The following TMEM132B variants were observed in gnomAD, a reference collection of about 807,000 sequenced individuals.
TMEM132B encodes the protein transmembrane protein 132B.
TMEM132B carries 18 observed loss-of-function variants against 90.8 expected under a neutral mutation model. The observed-to-expected ratio is 0.20, with a 90% CI of 0.14 to 0.29. TMEM132B has a LOEUF of 0.29. TMEM132B is among the 10% of genes least tolerant of loss of function. TMEM132B has a pLI of 1.00. For synonymous variants in TMEM132B, 504 were observed against 523.3 expected (o/e 0.96, Z 0.50); for missense variants, 1,096 against 1,326.8 (o/e 0.83, Z 2.70).
chr12:125,264,900 A>G (rs570880907), intron 1 of TMEM132B, among the ~76,000 whole-genome samples: 18 of 152,352 alleles, frequency 1.2e-4, no homozygotes, highest in African/African-American at 4.1e-4. Context: ...TCATTGAACT[A>G]TAATACATAG....
In TMEM132B at chr12:125,307,409, A is replaced by G. The variant is rs923109190; in HGVS notation, c.68-42043A>G. Among the ~76,000 whole-genome samples, 3 of 152,050 alleles carry G rather than the reference A, an allele frequency of 2.0e-5. No homozygotes were observed. The East Asian group carries it at 5.8e-4, about 29-fold the overall frequency. ...GTTGTGATTCTTTTTGATTTAAGTG[A>G]TTTTCTTAACCTCTCTGTACTTTGG... is the stretch of plus-strand genomic sequence containing the variant. On this transcript the variant is annotated intron_variant, in intron 1 of 8. Coordinates refer to ENST00000682704, the MANE Select transcript of TMEM132B (RefSeq NM_001366854.1).
chr12:125,628,667 C>A (rs1206171945), intron 5 of TMEM132B, among the ~76,000 whole-genome samples: 1 of 151,984 alleles, frequency 6.6e-6, no homozygotes, highest in African/African-American at 2.4e-5. Flanking sequence ...ATCCCATTTG[C>A]CCATTTTTGC....
At chr12:125,488,929 C>T (rs570300246) in intron 3 of TMEM132B, among the ~76,000 whole-genome samples, 15 of 152,118 alleles carry the variant, frequency 9.9e-5, no homozygotes, top group South Asian at 4.1e-4. Flanking sequence ...ACTCAACATT[C>T]GTAGATGAAA....
chr12:125,450,534 T>A lies in TMEM132B; in HGVS notation c.1106+34857T>A, dbSNP rs529458032. Among the ~76,000 whole-genome samples the A allele has an allele frequency of 2.0e-5, 3 of 152,280 alleles. No homozygotes were observed. The South Asian group carries it at 6.2e-4, about 32-fold the overall frequency. ...GGAGAGTGACTTTTTGGCTTTCTCT[T>A]GTGTACAGTAAGATACTGAGGCCCA... On this transcript the variant is annotated intron_variant, in intron 3 of 8. Coordinates refer to ENST00000682704, the MANE Select transcript of TMEM132B (RefSeq NM_001366854.1).
chr12:125,352,688 C>G (rs3891538), intron 2 of TMEM132B, among the ~76,000 whole-genome samples: 42,656 of 152,162 alleles, frequency 0.28, 6,199 homozygotes, highest in Admixed American at 0.37. Flanking sequence ...CATATAAATT[C>G]CAACATAAGT....
At position 125,621,848 on chromosome 12, in the gene TMEM132B, G is replaced by A. The variant is rs1026055277; in HGVS notation, c.1438-22228G>A. ...CTCTGGCATCATGCTATACATATCA[G>A]GATGACGTGATCATAAAATGACAGG... On this transcript the variant is annotated intron_variant, in intron 5 of 8. Transcript: ENST00000682704. 2.0e-5 allele frequency among the ~76,000 whole-genome samples: 3 copies of A among 152,180 alleles called. No homozygotes were observed. In the South Asian group the frequency reaches 6.2e-4, roughly 32 times the overall value.
chr12:125,401,023 A>G (rs935081780), intron 2 of TMEM132B, among the ~76,000 whole-genome samples: 2 of 152,162 alleles, frequency 1.3e-5, no homozygotes, highest in Non-Finnish European at 2.9e-5. Context: ...TCTCTGTGCC[A>G]TGACAAGTGG....
intron 3 of TMEM132B, among the ~76,000 whole-genome samples, chr12:125,476,689 C>A (rs755359829): frequency 6.6e-6 from 1 of 152,052 alleles, no homozygotes; most frequent in African/African-American, 2.4e-5. Flanking sequence ...CAAACCTAGG[C>A]GAAGAATTGC....
At chr12:125,599,833 A>G (rs1436702631) in intron 5 of TMEM132B, among the ~76,000 whole-genome samples, 1 of 151,936 alleles carries the variant, frequency 6.6e-6, no homozygotes, top group Non-Finnish European at 1.5e-5. Flanking sequence ...GAATGACTAT[A>G]CTCTATTTGG....
At chr12:125,264,224 C>T (rs888820675) in intron 1 of TMEM132B, among the ~76,000 whole-genome samples, 2 of 152,190 alleles carry the variant, frequency 1.3e-5, no homozygotes, top group African/African-American at 4.8e-5. Context: ...CTCTGCCTCT[C>T]CTGCCTCCCT....
intron 1 of TMEM132B, among the ~76,000 whole-genome samples, chr12:125,296,755 C>T (rs1436043946): frequency 1.3e-5 from 2 of 152,220 alleles, no homozygotes; most frequent in African/African-American, 2.4e-5. Context: ...GTCTTTCCAT[C>T]CCACTCCTTT....
At chr12:125,288,963 C>T (rs1271717380) in intron 1 of TMEM132B, among the ~76,000 whole-genome samples, 1 of 152,162 alleles carries the variant, frequency 6.6e-6, no homozygotes, top group Admixed American at 6.5e-5. Context: ...CGGTGCCATG[C>T]AGAGGCAGCA....
intron 2 of TMEM132B, among the ~76,000 whole-genome samples, chr12:125,358,264 A>G (rs1877851073): frequency 6.6e-6 from 1 of 152,132 alleles, no homozygotes; most frequent in South Asian, 2.1e-4. Flanking sequence ...ACTTTTTAAA[A>G]AATTTTTTAG....
intron 7 of TMEM132B, among the ~76,000 whole-genome samples, chr12:125,652,152 G>T (rs560082269): frequency 6.6e-6 from 1 of 152,240 alleles, no homozygotes; most frequent in Non-Finnish European, 1.5e-5. Context: ...TAATATCAAT[G>T]GACAGTTTTT....
intron 5 of TMEM132B, among the ~76,000 whole-genome samples, chr12:125,614,932 A>T (rs186397336): frequency 5.1e-4 from 77 of 152,238 alleles, no homozygotes; most frequent in Admixed American, 4.1e-3. Flanking sequence ...TTTTTGAAAG[A>T]TAGTTTTGCC....
chr12:125,356,614 G>T (rs1316148954), intron 2 of TMEM132B, among the ~76,000 whole-genome samples: 2 of 152,196 alleles, frequency 1.3e-5, no homozygotes, highest in Admixed American at 6.5e-5. Flanking sequence ...CTCCTGGCTG[G>T]ACATCTACAG....
At chr12:125,192,275 G>A (rs1872812149) in intron 1 of TMEM132B, among the ~76,000 whole-genome samples, 1 of 152,202 alleles carries the variant, frequency 6.6e-6, no homozygotes, top group South Asian at 2.1e-4. Context: ...AATAAGTGAT[G>A]GGGTGCAAGT....
chr12:125,561,014 A>T (rs1312927225), intron 4 of TMEM132B, among the ~76,000 whole-genome samples: 1 of 152,082 alleles, frequency 6.6e-6, no homozygotes, highest in Non-Finnish European at 1.5e-5. Flanking sequence ...CAGTGATCGC[A>T]TTACCAGTTA....
chr12:125,287,930 C>T (rs111639638), intron 1 of TMEM132B, among the ~76,000 whole-genome samples: 5 of 152,132 alleles, frequency 3.3e-5, no homozygotes, highest in African/African-American at 7.2e-5. Flanking sequence ...TGCAATGGCG[C>T]GATCTCGGCT....
Sources: allele counts gnomAD v4.1 joint callset (sites outside exome capture counted in the v4.1 genomes callset), GRCh38; gene constraint gnomAD v4.1.1; transcripts MANE v1.5; gene names NCBI Gene and HGNC (gene_info 2026-07-23, HGNC 2026-07-21).